SEZ6L: variants seen among roughly 807,000 people sequenced by gnomAD.
The protein encoded by SEZ6L is seizure related 6 homolog like.
Under a neutral mutation model 106.2 loss-of-function variants are expected in SEZ6L, and 37 were observed. The observed-to-expected ratio is 0.35, with a 90% CI of 0.27 to 0.46. The LOEUF (loss-of-function observed/expected upper bound fraction) is 0.46, where lower values mean the gene tolerates loss of function less well. Among genes scored for constraint, SEZ6L ranks in the 20% least tolerant of loss-of-function variants. The probability of loss-of-function intolerance (pLI) is 1.00; values close to 1 mark genes in which losing one functional copy is unlikely to be tolerated. For missense variants in SEZ6L, 1,172 were observed against 1,332.8 expected (o/e 0.88, Z 1.88); for synonymous variants, 541 against 570.4 (o/e 0.95, Z 0.73).
intron 9 of SEZ6L, among the ~76,000 whole-genome samples, chr22:26,336,466 G>A (rs1206477097): frequency 6.6e-6 from 1 of 152,038 alleles, no homozygotes; most frequent in East Asian, 1.9e-4. Context: ...ACTTCAAAAG[G>A]CATTTGTATG....
intron 14 of SEZ6L, among the ~76,000 whole-genome samples, chr22:26,374,987 T>A (rs76806780): frequency 0.018 from 2,716 of 152,196 alleles, 75 homozygotes; most frequent in African/African-American, 0.06. Flanking sequence ...AGCCCACTCG[T>A]GGACTGGAGA....
intron 3 of SEZ6L, among the ~76,000 whole-genome samples, chr22:26,295,477 G>T (rs945731683): frequency 1.3e-5 from 2 of 152,188 alleles, no homozygotes; most frequent in Non-Finnish European, 2.9e-5. Context: ...AGAGACAAAA[G>T]GTAAGCCCCT....
intron 1 of SEZ6L, among the ~76,000 whole-genome samples, chr22:26,237,870 T>A (rs557492565): frequency 6.6e-6 from 1 of 152,128 alleles, no homozygotes; most frequent in Non-Finnish European, 1.5e-5. Context: ...GCTGTTTAAG[T>A]GTACACCTAG....
intron 1 of SEZ6L, among the ~76,000 whole-genome samples, chr22:26,235,985 C>T (rs2078946787): frequency 6.6e-6 from 1 of 152,230 alleles, no homozygotes; most frequent in South Asian, 2.1e-4. Context: ...CTCATAACAT[C>T]AGAGGCACCT....
intron 1 of SEZ6L, among the ~76,000 whole-genome samples, chr22:26,190,066 C>T (rs951873645): frequency 2.6e-5 from 4 of 151,122 alleles, no homozygotes; most frequent in Non-Finnish European, 5.9e-5. Flanking sequence ...CACTGCACTC[C>T]AGCCTGGGCG....
At chr22:26,241,774 A>G (rs751155976) in intron 1 of SEZ6L, among the ~76,000 whole-genome samples, 1 of 152,178 alleles carries the variant, frequency 6.6e-6, no homozygotes, top group Non-Finnish European at 1.5e-5. Flanking sequence ...TTCCCATCTT[A>G]TCTTAGGAGG....
intron 4 of SEZ6L, among the ~76,000 whole-genome samples, chr22:26,298,669 C>T (rs1289102393): frequency 6.6e-6 from 1 of 152,134 alleles, no homozygotes; most frequent in East Asian, 1.9e-4. Context: ...CCCTCCCAGT[C>T]CCAGAGAGAA....
At chr22:26,319,425 G>T (rs988625217) in intron 9 of SEZ6L, among the ~76,000 whole-genome samples, 5 of 152,188 alleles carry the variant, frequency 3.3e-5, no homozygotes, top group Admixed American at 6.5e-5. Context: ...CTTAAAGCCA[G>T]TATTCTTACA....
chr22:26,250,352 A>T (rs2079531094), intron 1 of SEZ6L, among the ~76,000 whole-genome samples: 1 of 152,118 alleles, frequency 6.6e-6, no homozygotes, highest in Non-Finnish European at 1.5e-5. Flanking sequence ...ATGATAAGAG[A>T]TAGGGGTCTA....
At chr22:26,181,984 C>T (rs186897166) in intron 1 of SEZ6L, among the ~76,000 whole-genome samples, 1 of 152,246 alleles carries the variant, frequency 6.6e-6, no homozygotes, top group Admixed American at 6.5e-5. Context: ...GCATTATTAT[C>T]ATTATTAATC....
At chr22:26,336,527 ATC>A in intron 9 of SEZ6L, among the ~76,000 whole-genome samples, 1 of 152,332 alleles carries the variant, frequency 6.6e-6, no homozygotes, top group East Asian at 1.9e-4. Flanking sequence ...ACAGCCAAGT[ATC>A]TCTCTTTGGA....
At chr22:26,294,719 T>G (rs2081240513) in intron 3 of SEZ6L, among the ~76,000 whole-genome samples, 1 of 73,012 alleles carries the variant, frequency 1.4e-5, no homozygotes, top group African/African-American at 6.2e-5. Flanking sequence ...TGCACGTGCA[T>G]AAACACACAC....
In SEZ6L at chr22:26,198,691, A is replaced by G. The variant is rs145019715; in HGVS notation, c.94+28928A>G. 3.3e-3 allele frequency among the ~76,000 whole-genome samples: 502 copies of G among 152,288 alleles called. 12 individuals carry two copies. The South Asian group carries it at 0.064, about 19-fold the overall frequency. On this transcript the variant is annotated intron_variant, in intron 1 of 16. Coordinates refer to ENST00000248933, the MANE Select transcript of SEZ6L (RefSeq NM_021115.5). ...ATGAACACTGTGGCCTCACATAGCAATAGACAGAATGGCCAACAGGGCCTC... is the reference window on the plus strand; with the variant it reads ...ATGAACACTGTGGCCTCACATAGCAGTAGACAGAATGGCCAACAGGGCCTC...
intron 12 of SEZ6L, among the ~76,000 whole-genome samples, chr22:26,354,044 C>G (rs1242813900): frequency 6.6e-6 from 1 of 151,506 alleles, no homozygotes; most frequent in African/African-American, 2.4e-5. Flanking sequence ...AGAGTGTCTT[C>G]GACATCCTAA....
intron 5 of SEZ6L, among the ~76,000 whole-genome samples, chr22:26,304,934 C>T (rs1404074754): frequency 6.6e-6 from 1 of 152,168 alleles, no homozygotes; most frequent in Non-Finnish European, 1.5e-5. Flanking sequence ...GCGTGAACAT[C>T]ATAGAGTGTA....
Position 26,310,855 on chromosome 22 carries a change from T to A in SEZ6L, c.1681+19T>A. ...TTTGAAGGTGAGGGTCCCTGGGAGCTTCCCTTTCTCTTGTGGGGCTGGGGG... is the reference window on the plus strand; with the variant it reads ...TTTGAAGGTGAGGGTCCCTGGGAGCATCCCTTTCTCTTGTGGGGCTGGGGG... On this transcript the variant is annotated intron_variant, in intron 7 of 16. Coordinates refer to ENST00000248933, the MANE Select transcript of SEZ6L (RefSeq NM_021115.5). The A allele has an allele frequency of 1.2e-6, 2 of 1,611,166 alleles. No individual in the cohort carries two copies. Among genetic ancestry groups the A allele is most frequent in the Non-Finnish European group, 1.7e-6 (2 of 1,178,694 alleles).
intron 1 of SEZ6L, among the ~76,000 whole-genome samples, chr22:26,227,955 C>G (rs1256954639): frequency 6.6e-6 from 1 of 152,192 alleles, no homozygotes; most frequent in Admixed American, 6.5e-5. Flanking sequence ...GGGACACAAG[C>G]CCCGCGAGAG....
At chr22:26,322,001 T>C (rs1173321160) in intron 9 of SEZ6L, among the ~76,000 whole-genome samples, 1 of 152,202 alleles carries the variant, frequency 6.6e-6, no homozygotes, top group Non-Finnish European at 1.5e-5. Flanking sequence ...GGCCCTGAGC[T>C]GCATCGTTTA....
chr22:26,223,021 A>G (rs956427690), intron 1 of SEZ6L, among the ~76,000 whole-genome samples: 2 of 152,244 alleles, frequency 1.3e-5, no homozygotes, highest in African/African-American at 4.8e-5. Context: ...CCAAATGTCA[A>G]TAGCGCCTAG....
Sources: gnomAD v4.1 joint callset for allele counts (sites outside exome capture counted in the v4.1 genomes callset) on GRCh38, gnomAD v4.1.1 for gene constraint, MANE v1.5 for transcripts, NCBI Gene and HGNC (gene_info 2026-07-23, HGNC 2026-07-21) for gene names.